The following FHIT variants were observed in gnomAD, a reference collection of about 807,000 sequenced individuals.
FHIT encodes fragile histidine triad diadenosine triphosphatase, also known as bis(5'-adenosyl)-triphosphatase.
In FHIT, 19 loss-of-function variants were observed where a neutral mutation model predicts 17.9. The observed-to-expected ratio is 1.06, with a 90% CI of 0.74 to 1.56. FHIT has a LOEUF of 1.56. Ranked by LOEUF, FHIT falls within the 40% of genes most tolerant of loss-of-function variation. FHIT has a pLI of 0.00. For missense variants in FHIT, 248 were observed against 189.2 expected (o/e 1.31, Z -1.82); for synonymous variants, 81 against 69.7 (o/e 1.16, Z -0.81).
At chr3:60,458,092 C>T (rs1166635576) in intron 5 of FHIT, among the ~76,000 whole-genome samples, 3 of 152,064 alleles carry the variant, frequency 2.0e-5, no homozygotes, top group Non-Finnish European at 4.4e-5. Context: ...GGTATATACC[C>T]AAAGGATTAT....
chr3:59,839,848 T>A (rs1293484494), intron 8 of FHIT, among the ~76,000 whole-genome samples: 1 of 152,196 alleles, frequency 6.6e-6, no homozygotes, highest in Non-Finnish European at 1.5e-5. Flanking sequence ...AACGGTTAAG[T>A]CCTGAACATT....
intron 4 of FHIT, among the ~76,000 whole-genome samples, chr3:60,718,729 GGA>G (rs2041742916): frequency 6.6e-6 from 1 of 152,064 alleles, no homozygotes; most frequent in Admixed American, 6.6e-5. Context: ...TTAAGAGTTG[GGA>G]GAGAGAGAAA....
At chr3:59,957,829 C>G (rs1707478219) in intron 7 of FHIT, among the ~76,000 whole-genome samples, 1 of 152,268 alleles carries the variant, frequency 6.6e-6, no homozygotes, top group Non-Finnish European at 1.5e-5. Context: ...ATGGTAGACT[C>G]TTGGCTATAC....
chr3:60,460,015 T>C (rs1316184914), intron 5 of FHIT, among the ~76,000 whole-genome samples: 1 of 152,150 alleles, frequency 6.6e-6, no homozygotes, highest in African/African-American at 2.4e-5. Flanking sequence ...TCCTGTAAAA[T>C]AGCCAAAGGT....
intron 5 of FHIT, among the ~76,000 whole-genome samples, chr3:60,360,490 G>A (rs2106995213): frequency 6.6e-6 from 1 of 152,230 alleles, no homozygotes; most frequent in South Asian, 2.1e-4. Context: ...GCAAGTCTTT[G>A]ACTCTGAGAG....
At chr3:60,561,637 T>G (rs966285232) in intron 4 of FHIT, among the ~76,000 whole-genome samples, 8 of 152,158 alleles carry the variant, frequency 5.3e-5, no homozygotes, top group African/African-American at 1.9e-4. Flanking sequence ...GGCAACTCAG[T>G]GACTGAGCTT....
At chr3:61,167,580 G>T (rs1294345248) in intron 2 of FHIT, among the ~76,000 whole-genome samples, 1 of 140,584 alleles carries the variant, frequency 7.1e-6, no homozygotes, top group Non-Finnish European at 1.5e-5. Context: ...AGTGAGCTGA[G>T]ACTGCACCAC....
At chr3:60,054,545 A>G (rs1304609464) in intron 5 of FHIT, among the ~76,000 whole-genome samples, 1 of 152,158 alleles carries the variant, frequency 6.6e-6, no homozygotes, top group African/African-American at 2.4e-5. Context: ...ACTCTATCAT[A>G]ATGATGGAGC....
intron 3 of FHIT, among the ~76,000 whole-genome samples, chr3:61,004,154 A>C (rs2031284676): frequency 6.6e-6 from 1 of 152,178 alleles, no homozygotes; most frequent in Non-Finnish European, 1.5e-5. Flanking sequence ...AAAGAAGGTG[A>C]GCACAGATTA....
chr3:59,846,976 ATCTCT>A (rs1007401214), intron 8 of FHIT, among the ~76,000 whole-genome samples: 19 of 152,030 alleles, frequency 1.2e-4, no homozygotes, highest in African/African-American at 4.6e-4. Flanking sequence ...TGCATGACAA[ATCTCT>A]TCTCTTCTGC....
chr3:59,876,630 G>C (rs1703175132), intron 8 of FHIT, among the ~76,000 whole-genome samples: 1 of 152,214 alleles, frequency 6.6e-6, no homozygotes, highest in South Asian at 2.1e-4. Context: ...GGGTAACACA[G>C]GTGAAGGTCA....
intron 4 of FHIT, among the ~76,000 whole-genome samples, chr3:60,641,525 C>A (rs1464602788): frequency 1.3e-5 from 2 of 152,050 alleles, no homozygotes; most frequent in African/African-American, 2.4e-5. Context: ...ACATGACAAG[C>A]ATGAAAAGAA....
chr3:60,359,321 G>A (rs12496431), intron 5 of FHIT, among the ~76,000 whole-genome samples: 42,054 of 131,502 alleles, frequency 0.32, 7,067 homozygotes, highest in Admixed American at 0.5. Flanking sequence ...TCGCTCTATC[G>A]CCAAGCTGGA....
chr3:61,220,730 A>G lies in FHIT; in HGVS notation c.-212-20065T>C, dbSNP rs529575977. Among the ~76,000 whole-genome samples the G allele has an allele frequency of 3.3e-5, 5 of 152,380 alleles. No individual in the cohort carries two copies. The South Asian group carries it at 1.0e-3, about 32-fold the overall frequency. ...AAAATTTCTTTAATAAAAGAATATT[A>G]TAAGTTTTCACTATTACTAGGAATG... is the stretch of plus-strand genomic sequence containing the variant. On this transcript the variant is annotated intron_variant, in intron 1 of 9. Transcript: ENST00000492590.
At chr3:60,251,798 T>TACA (rs1299755663) in intron 5 of FHIT, among the ~76,000 whole-genome samples, 2 of 152,182 alleles carry the variant, frequency 1.3e-5, no homozygotes, top group East Asian at 1.9e-4. Flanking sequence ...AAATCTTGCT[T>TACA]GTAAGTCAAA....
At chr3:60,394,796 T>A (rs1351800823) in intron 5 of FHIT, among the ~76,000 whole-genome samples, 2 of 152,160 alleles carry the variant, frequency 1.3e-5, no homozygotes, top group African/African-American at 4.8e-5. Flanking sequence ...ACTACCACTG[T>A]TACCACTATC....
In FHIT at chr3:60,446,975, G is replaced by A. The variant is rs75531782; in HGVS notation, c.103+89885C>T. On this transcript the variant is annotated intron_variant, in intron 5 of 9. Transcript: ENST00000492590. ...GTCTTGGTTCCTCTGAATCCTGGCT[G>A]CTTTGGCAGACCCAAACTTCTATGC... Among the ~76,000 whole-genome samples, 1,358 of 151,978 alleles carry A rather than the reference G, an allele frequency of 8.9e-3. 14 individuals carry two copies. The highest frequency in any genetic ancestry group is 0.028 in the East Asian group (145 of 5,156).
chr3:60,508,837 C>T (rs2034835803), intron 5 of FHIT, among the ~76,000 whole-genome samples: 1 of 151,906 alleles, frequency 6.6e-6, no homozygotes, highest in Non-Finnish European at 1.5e-5. Context: ...TCTCAAAAAG[C>T]CAATTATAAG....
chr3:60,385,819 C>T (rs1444162228), intron 5 of FHIT, among the ~76,000 whole-genome samples: 3 of 152,084 alleles, frequency 2.0e-5, no homozygotes, highest in African/African-American at 7.2e-5. Flanking sequence ...CTCAATGGAT[C>T]CTCCTGCCTC....
Sources: gnomAD v4.1 joint callset for allele counts (sites outside exome capture counted in the v4.1 genomes callset) on GRCh38, gnomAD v4.1.1 for gene constraint, MANE v1.5 for transcripts, NCBI Gene and HGNC (gene_info 2026-07-23, HGNC 2026-07-21) for gene names.